Variants in RUBCN observed in about 807,000 individuals in gnomAD.
RUBCN encodes rubicon autophagy regulator, also known as run domain Beclin-1-interacting and cysteine-rich domain-containing protein.
Under a neutral mutation model 113.2 loss-of-function variants are expected in RUBCN, and 74 were observed. The observed-to-expected ratio is 0.65, with a 90% CI of 0.54 to 0.79. The LOEUF (loss-of-function observed/expected upper bound fraction) is 0.79. Among genes scored for constraint, RUBCN ranks in the 30% least tolerant of loss-of-function variants. RUBCN has a pLI of 0.00. For synonymous variants in RUBCN, 480 were observed against 490.0 expected (o/e 0.98, Z 0.27); for missense variants, 1,109 against 1,251.7 (o/e 0.89, Z 1.72).
chr3:197,697,138 A>G, intron 7 of RUBCN, 89 bp from the exon 8 acceptor site: 1 of 732,068 alleles, frequency 1.4e-6, no homozygotes, highest in Non-Finnish European at 2.5e-6. Flanking sequence ...ACTTAACTGC[A>G]CCCCTTCCCA....
At chr3:197,679,597 G>A (rs1720944725) in intron 16 of RUBCN, among the ~76,000 whole-genome samples, 1 of 147,770 alleles carries the variant, frequency 6.8e-6, no homozygotes, top group Non-Finnish European at 1.5e-5. Flanking sequence ...GCTCCAGACT[G>A]TCCTACGCTC....
In RUBCN at chr3:197,670,622, C is replaced by G. The variant is rs967950181; in HGVS notation, c.*4396G>C. 2.0e-5 allele frequency among the ~76,000 whole-genome samples: 3 copies of G among 152,250 alleles called. No homozygotes were observed. Among genetic ancestry groups the G allele is most frequent in the African/African-American group, 7.2e-5 (3 of 41,462 alleles). ...TGTACTGTAAGCTATTTTCCTATCT[C>G]TAGTTGAAAAACATTTGAACATTTT... is the stretch of plus-strand genomic sequence containing the variant. On this transcript the variant is annotated 3_prime_UTR_variant, in exon 20 of 20. Coordinates refer to ENST00000296343, the MANE Select transcript of RUBCN (RefSeq NM_014687.4).
chr3:197,747,445 T>G (rs1728795300), intron 1 of RUBCN, among the ~76,000 whole-genome samples: 1 of 151,798 alleles, frequency 6.6e-6, no homozygotes. Flanking sequence ...GGTCTCGTAC[T>G]CCTGGGCTCA....
chr3:197,696,871 A>C, intron 8 of RUBCN, 83 bp downstream of exon 8: 1 of 793,242 alleles, frequency 1.3e-6, no homozygotes, highest in South Asian at 1.4e-5. Context: ...AGCTGAGATG[A>C]ACCCCAAAAC....
At chr3:197,687,551 G>A (rs931794180) in intron 11 of RUBCN, among the ~76,000 whole-genome samples, 1 of 152,216 alleles carries the variant, frequency 6.6e-6, no homozygotes, top group Non-Finnish European at 1.5e-5. Flanking sequence ...AGGCAGAAGG[G>A]GTTTCTCCGG....
chr3:197,704,138 GA>G (rs1396990492), intron 4 of RUBCN, among the ~76,000 whole-genome samples: 1 of 152,128 alleles, frequency 6.6e-6, no homozygotes, highest in Non-Finnish European at 1.5e-5. Context: ...GGCATCAAGT[GA>G]AAAACAGGAG....
intron 1 of RUBCN, among the ~76,000 whole-genome samples, chr3:197,735,810 T>G (rs971374148): frequency 1.3e-5 from 2 of 152,054 alleles, no homozygotes; most frequent in Non-Finnish European, 2.9e-5. Context: ...CAGGCTGGTC[T>G]CAAACTCCTG....
rs1459737850 is a variant in RUBCN at position 197,702,201 on chromosome 3, A to C, written c.571-337T>G. ...TGACACTTATCAGCTATTTGATCCA[A>C]ACTTTGGACCACGTATCTACTCTGT... is the stretch of plus-strand genomic sequence containing the variant. On this transcript the variant is annotated intron_variant, in intron 5 of 19. Transcript: ENST00000296343. Among the ~76,000 whole-genome samples, 3 of 152,222 alleles carry C rather than the reference A, an allele frequency of 2.0e-5. 1 individual carries two copies. Among genetic ancestry groups the C allele is most frequent in the Non-Finnish European group, 4.4e-5 (3 of 68,044 alleles).
chr3:197,738,081 T>C (rs1728323341), upstream of RUBCN, among the ~76,000 whole-genome samples: 1 of 152,188 alleles, frequency 6.6e-6, no homozygotes, highest in South Asian at 2.1e-4. Context: ...TAAAAGAAGC[T>C]AGGATCTGCA....
chr3:197,735,989 G>T (rs1013230835), intron 1 of RUBCN, among the ~76,000 whole-genome samples: 1 of 152,194 alleles, frequency 6.6e-6, no homozygotes, highest in African/African-American at 2.4e-5. Context: ...AGTTTGCATT[G>T]TGAGGAAAAA....
chr3:197,705,239 T>C, intron 2 of RUBCN, 64 bp from the exon 3 acceptor site: 7 of 1,464,708 alleles, frequency 4.8e-6, no homozygotes, highest in South Asian at 1.2e-5. Flanking sequence ...AGTTCTAGGG[T>C]TGGCATTCAA....
rs182310204 is a variant in RUBCN, at chr3:197,702,683, G to T, written c.571-819C>A. Among the ~76,000 whole-genome samples the T allele has an allele frequency of 3.2e-3, 491 of 152,054 alleles. 1 individual carries two copies. The highest frequency in any genetic ancestry group is 0.014 in the Middle Eastern group (4 of 294). On this transcript the variant is annotated intron_variant, in intron 5 of 19. Coordinates refer to ENST00000296343, the MANE Select transcript of RUBCN (RefSeq NM_014687.4). ...GACTCTGTCTCAAAATAATAATAAT[G>T]ATAATAATTAATTAAAAGAATCTGG...
rs568042707 is a variant in RUBCN, at chr3:197,683,493, G to A, written c.1848-54C>T. 8.1e-6 allele frequency: 13 copies of A among 1,605,336 alleles called. No individual in the cohort carries two copies. The highest frequency in any genetic ancestry group is 4.0e-5 in the African/African-American group (3 of 74,830). ...AACACAGGGAAAGGATGGGCGATGC[G>A]AGGCTTCCCTTCATGATCTCATCCC... On this transcript the variant is annotated intron_variant, in intron 12 of 19. Transcript: ENST00000296343. This position sits in a 1 kb window ranked among gnomAD's most constrained non-coding sequence, Gnocchi z 4.6.
chr3:197,725,024 TA>T (rs1217922059), intron 1 of RUBCN, among the ~76,000 whole-genome samples: 1 of 151,890 alleles, frequency 6.6e-6, no homozygotes, highest in Non-Finnish European at 1.5e-5. Flanking sequence ...ACAAAAAAAC[TA>T]AAAAAATCCC....
Position 197,697,047 on chromosome 3 carries a change from AT to A in RUBCN, c.1263del (p.Glu421AspfsTer9). ...DTSIASRGAP[E>X]SCNDKAKLRG... ...CTCAACTTCGCCTTATCATTGCAGG[AT>A]TCTAATGACGATGACCACCAGCGAG... On this transcript the variant is annotated frameshift_variant and splice_region_variant, in exon 8 of 20. Transcript: ENST00000296343. LOFTEE classifies it high-confidence loss of function. 1 of 1,552,680 alleles carries A rather than the reference AT, an allele frequency of 6.4e-7. No homozygotes were observed. The highest frequency in any genetic ancestry group is 8.9e-7 in the Non-Finnish European group (1 of 1,124,088).
At chr3:197,732,478 T>C (rs1447060808) in intron 1 of RUBCN, among the ~76,000 whole-genome samples, 1 of 152,210 alleles carries the variant, frequency 6.6e-6, no homozygotes, top group East Asian at 1.9e-4. Context: ...CACGCCTGGC[T>C]AATTTTTTGT....
intron 2 of RUBCN, 106 bp downstream of exon 2, chr3:197,717,871 C>T (rs1725718012): frequency 8.1e-7 from 1 of 1,230,050 alleles, no homozygotes; most frequent in South Asian, 1.2e-5. Flanking sequence ...CACAGCTGCT[C>T]TCAGGAGTCC....
chr3:197,740,455 C>A (rs1728480474), upstream of RUBCN, among the ~76,000 whole-genome samples: 1 of 151,096 alleles, frequency 6.6e-6, no homozygotes. Flanking sequence ...GGCAACAAGG[C>A]AAGACTCCAT....
chr3:197,677,402 A>G, intron 17 of RUBCN, 78 bp downstream of exon 17: 13 of 1,250,050 alleles, frequency 1.0e-5, no homozygotes, highest in Non-Finnish European at 1.5e-5. Flanking sequence ...TCGTTACATA[A>G]CAAGAGCCAA....
Sources: gnomAD v4.1 joint callset for allele counts (sites outside exome capture counted in the v4.1 genomes callset) on GRCh38, gnomAD v4.1.1 for gene constraint, Gnocchi (gnomAD v3.1) non-coding constraint, MANE v1.5 for transcripts, NCBI Gene and HGNC (gene_info 2026-07-23, HGNC 2026-07-21) for gene names.